The following NOP58 variants were observed in gnomAD, a reference collection of about 807,000 sequenced individuals.
NOP58 encodes the protein nucleolar protein 58.
Under a neutral mutation model 71.2 loss-of-function variants are expected in NOP58, and 44 were observed. The ratio of observed to expected loss-of-function variants is 0.62; its 90% confidence interval spans 0.49 to 0.79. The LOEUF is 0.79. Among genes scored for constraint, NOP58 ranks in the 30% least tolerant of loss-of-function variants. The probability of loss-of-function intolerance (pLI) is 0.00; values close to 1 mark genes in which losing one functional copy is unlikely to be tolerated. For missense variants in NOP58, 538 were observed against 620.2 expected (o/e 0.87, Z 1.41); for synonymous variants, 228 against 200.3 (o/e 1.14, Z -1.17).
chr2:202,276,285 A>G, intron 2 of NOP58: 1 of 204,874 alleles, frequency 4.9e-6, no homozygotes, highest in African/African-American at 2.3e-5. Context: ...AGTTGCAGTG[A>G]GCCGAGATTG....
chr2:202,277,228 C>G (rs1211784283), intron 2 of NOP58, among the ~76,000 whole-genome samples: 2 of 151,514 alleles, frequency 1.3e-5, no homozygotes, highest in East Asian at 3.9e-4. Context: ...TGGCATGAAC[C>G]TGGGAGGTGG....
At chr2:202,295,914 A>G in intron 10 of NOP58, 77 bp downstream of exon 10, 4 of 1,110,950 alleles carry the variant, frequency 3.6e-6, no homozygotes, top group Non-Finnish European at 5.0e-6. Context: ...TCTACTCTGT[A>G]GTACACATTA....
At chr2:202,284,082 G>A (rs775313480) in intron 4 of NOP58, among the ~76,000 whole-genome samples, 118 of 152,102 alleles carry the variant, frequency 7.8e-4, no homozygotes, top group Admixed American at 1.8e-3. Context: ...AGGAGTTTGA[G>A]ACCAGCCTGT....
At chr2:202,290,984 C>G (rs1246886136) in intron 7 of NOP58, 141 bp from the exon 8 acceptor site, 8 of 651,108 alleles carry the variant, frequency 1.2e-5, no homozygotes, top group South Asian at 7.7e-5. Flanking sequence ...AACTGTTATA[C>G]TAGGTCAAAC....
intron 3 of NOP58, among the ~76,000 whole-genome samples, chr2:202,281,099 T>A (rs992551940): frequency 2.0e-5 from 3 of 152,026 alleles, no homozygotes; most frequent in Non-Finnish European, 4.4e-5. Flanking sequence ...TGATAGACCT[T>A]CATTCCTGCC....
At chr2:202,297,326 T>C in intron 10 of NOP58, 53 bp from the exon 11 acceptor site, 2 of 1,497,712 alleles carry the variant, frequency 1.3e-6, no homozygotes, top group Non-Finnish European at 9.2e-7. Flanking sequence ...ATCCAAGTTA[T>C]TGAGGATTTT....
At chr2:202,295,620 G>T (rs773743310) in intron 9 of NOP58, 54 bp from the exon 10 acceptor site, 4 of 1,309,520 alleles carry the variant, frequency 3.1e-6, no homozygotes, top group Middle Eastern at 2.0e-4. Flanking sequence ...GTTTCAGTAC[G>T]TGGAACATTC....
chr2:202,267,893 T>A (rs1005069956), intron 1 of NOP58, among the ~76,000 whole-genome samples: 2 of 152,254 alleles, frequency 1.3e-5, no homozygotes, highest in African/African-American at 4.8e-5. Flanking sequence ...GCTATTTATC[T>A]GCAAGTTACT....
chr2:202,266,108 G>A, intron 1 of NOP58, 122 bp downstream of exon 1: 1 of 1,170,158 alleles, frequency 8.5e-7, no homozygotes, highest in Non-Finnish European at 1.3e-6. Context: ...CGGGCTCTGG[G>A]AGGAGGGAGA....
At chr2:202,269,695 C>T (rs769596644) in intron 1 of NOP58, among the ~76,000 whole-genome samples, 3 of 151,870 alleles carry the variant, frequency 2.0e-5, no homozygotes, top group East Asian at 1.9e-4. Flanking sequence ...GAGCTGCGGT[C>T]GCGCCACTGC....
At chr2:202,303,249 A>C in intron 14 of NOP58, 137 bp from the exon 15 acceptor site, 1 of 1,396,292 alleles carries the variant, frequency 7.2e-7, no homozygotes, top group Admixed American at 2.3e-5. Context: ...ATTACTAAAA[A>C]TCAAGTTTGC....
At chr2:202,297,767 G>T in intron 11 of NOP58, 78 bp from the exon 12 acceptor site, 1 of 897,548 alleles carries the variant, frequency 1.1e-6, no homozygotes, top group Non-Finnish European at 1.7e-6. Context: ...CTGGCCCACT[G>T]ATTCACTAGA....
chr2:202,266,297 A>G (rs958586345), intron 1 of NOP58, among the ~76,000 whole-genome samples: 3 of 149,534 alleles, frequency 2.0e-5, no homozygotes, highest in African/African-American at 5.1e-5. Flanking sequence ...GGAATGATCG[A>G]AAGATTTTTT....
At position 202,276,616 on chromosome 2, in the gene NOP58, G is replaced by C. The variant is rs1393582941; in HGVS notation, c.123-1334G>C. On this transcript the variant is annotated intron_variant, in intron 2 of 14. Coordinates refer to ENST00000264279, the MANE Select transcript of NOP58 (RefSeq NM_015934.5). Reference sequence around the variant, plus strand: ...GCATTTTGGGAGGCCAAGGCAGGCGGATCAGTTGAGCCCAGGAGTTCAAGA... The same window carrying C: ...GCATTTTGGGAGGCCAAGGCAGGCGCATCAGTTGAGCCCAGGAGTTCAAGA... 1.4e-5 allele frequency: 5 copies of C among 366,090 alleles called. No individual in the cohort carries two copies. The East Asian group carries it at 3.7e-4, about 27-fold the overall frequency. The allele number at this position is 366,090 out of a possible 1,614,324, so 22.7% of individuals were successfully genotyped here.
At chr2:202,302,548 G>C (rs927800072) in intron 13 of NOP58, among the ~76,000 whole-genome samples, 1 of 152,220 alleles carries the variant, frequency 6.6e-6, no homozygotes, top group African/African-American at 2.4e-5. Context: ...TTCACCAAGG[G>C]TAAATACAAT....
At chr2:202,272,072 A>G (rs560593300) in intron 1 of NOP58, among the ~76,000 whole-genome samples, 1 of 152,266 alleles carries the variant, frequency 6.6e-6, no homozygotes, top group South Asian at 2.1e-4. Flanking sequence ...ATTTTCAGTA[A>G]GAGAAACACA....
intron 7 of NOP58, chr2:202,290,896 CTT>C (rs1021659028): frequency 5.6e-5 from 24 of 428,110 alleles, no homozygotes; most frequent in African/African-American, 4.3e-4. Context: ...ATTTTGTCCT[CTT>C]TTTACTCTGA....
intron 1 of NOP58, among the ~76,000 whole-genome samples, chr2:202,270,915 C>G (rs1039250209): frequency 1.3e-5 from 2 of 151,798 alleles, no homozygotes; most frequent in Admixed American, 6.6e-5. Flanking sequence ...TAGTGAAACC[C>G]CGTCTCTACT....
intron 4 of NOP58, among the ~76,000 whole-genome samples, chr2:202,283,630 G>A (rs1688743961): frequency 6.6e-6 from 1 of 151,506 alleles, no homozygotes; most frequent in Non-Finnish European, 1.5e-5. Flanking sequence ...TAGTAGAGAC[G>A]GGGTTTCATC....
Sources: allele counts gnomAD v4.1 joint callset (sites outside exome capture counted in the v4.1 genomes callset), GRCh38; gene constraint gnomAD v4.1.1; transcripts MANE v1.5; gene names NCBI Gene and HGNC (gene_info 2026-07-23, HGNC 2026-07-21).